The following SEMA3C variants were observed in gnomAD, a reference collection of about 807,000 sequenced individuals.
SEMA3C encodes semaphorin 3C, also known as semaphorin-3C.
SEMA3C carries 47 observed loss-of-function variants against 89.4 expected under a neutral mutation model. The observed-to-expected ratio is 0.53, with a 90% CI of 0.42 to 0.67. SEMA3C has a LOEUF of 0.67. Among genes scored for constraint, SEMA3C ranks in the 30% least tolerant of loss-of-function variants. The probability of loss-of-function intolerance (pLI) is 0.00; values close to 1 mark genes in which losing one functional copy is unlikely to be tolerated. For missense variants in SEMA3C, 839 were observed against 929.1 expected (o/e 0.90, Z 1.26); for synonymous variants, 310 against 320.2 (o/e 0.97, Z 0.34).
intron 12 of SEMA3C, among the ~76,000 whole-genome samples, chr7:80,788,102 C>T (rs1788846474): frequency 6.6e-6 from 1 of 152,072 alleles, no homozygotes; most frequent in Non-Finnish European, 1.5e-5. Flanking sequence ...TTTTATTTAG[C>T]CAAGAAAAAG....
At chr7:80,911,744 C>T (rs1792155736) in intron 2 of SEMA3C, among the ~76,000 whole-genome samples, 1 of 151,906 alleles carries the variant, frequency 6.6e-6, no homozygotes, top group Admixed American at 6.6e-5. Flanking sequence ...TGCCATTCTC[C>T]TGCCTCAGCC....
chr7:80,913,533 T>C (rs1792202039), intron 2 of SEMA3C, among the ~76,000 whole-genome samples: 1 of 152,216 alleles, frequency 6.6e-6, no homozygotes, highest in African/African-American at 2.4e-5. Flanking sequence ...CAAATGTAAA[T>C]TCAGCCATGG....
intron 10 of SEMA3C, among the ~76,000 whole-genome samples, chr7:80,799,439 T>G (rs545926091): frequency 2.2e-4 from 33 of 152,022 alleles, no homozygotes; most frequent in African/African-American, 7.7e-4. Context: ...TGAGCAAGAT[T>G]AAAAAAAAGA....
chr7:80,858,969 C>T (rs1269660557), intron 2 of SEMA3C, among the ~76,000 whole-genome samples: 2 of 152,128 alleles, frequency 1.3e-5, no homozygotes, highest in Non-Finnish European at 2.9e-5. Context: ...TTTATTATAA[C>T]ACTCAGACTT....
chr7:80,761,223 GGATT>G (rs2117052504), intron 14 of SEMA3C, among the ~76,000 whole-genome samples: 1 of 152,166 alleles, frequency 6.6e-6, no homozygotes, highest in African/African-American at 2.4e-5. Flanking sequence ...CAGGAACTCA[GGATT>G]GATTACTCAT....
intron 2 of SEMA3C, among the ~76,000 whole-genome samples, chr7:80,911,844 A>G (rs1792158752): frequency 3.9e-5 from 6 of 152,122 alleles, no homozygotes; most frequent in African/African-American, 9.7e-5. Flanking sequence ...CACGATAGCC[A>G]GCATGATCTT....
chr7:80,879,468 T>C (rs1013648515), intron 2 of SEMA3C, among the ~76,000 whole-genome samples: 2 of 152,262 alleles, frequency 1.3e-5, no homozygotes, highest in South Asian at 2.1e-4. Context: ...AGGCACCTGA[T>C]TGTCCTCTCA....
intron 12 of SEMA3C, among the ~76,000 whole-genome samples, chr7:80,781,273 C>A (rs902517790): frequency 6.6e-6 from 1 of 152,160 alleles, no homozygotes; most frequent in South Asian, 2.1e-4. Flanking sequence ...GATAACAAGT[C>A]CCCAGTTCCA....
At position 80,744,971 on chromosome 7, in the gene SEMA3C, C is replaced by T. The variant is rs761367596; in HGVS notation, c.2179G>A (p.Gly727Arg). Residue 727 changes from glycine to arginine, a missense_variant, in exon 18 of 18, where the codon GGG (glycine) becomes AGG (arginine). Coordinates refer to ENST00000265361, the MANE Select transcript of SEMA3C (RefSeq NM_006379.5). ...AGGGCCTTTAACTTGCCATAGTCCC[C>T]TCTCATTTTCTGTGATTCATCTCCC... ...QQGDESQKMR[G>R]DYGKLKALIN... The T allele has an allele frequency of 6.2e-7, 1 of 1,613,946 alleles. No homozygotes were observed. Among genetic ancestry groups the T allele is most frequent in the Non-Finnish European group, 8.5e-7 (1 of 1,179,978 alleles).
At chr7:80,892,819 T>C (rs1023427046) in intron 2 of SEMA3C, among the ~76,000 whole-genome samples, 6 of 152,302 alleles carry the variant, frequency 3.9e-5, no homozygotes, top group South Asian at 4.1e-4. Context: ...GTGGTTGTAT[T>C]TGATGTTTTT....
intron 2 of SEMA3C, among the ~76,000 whole-genome samples, chr7:80,856,380 T>A (rs997696593): frequency 1.3e-5 from 2 of 151,660 alleles, no homozygotes; most frequent in Non-Finnish European, 2.9e-5. Flanking sequence ...AACATGAATA[T>A]GAAATAACTG....
chr7:80,775,496 T>A (rs1788526783), intron 12 of SEMA3C, among the ~76,000 whole-genome samples: 1 of 152,162 alleles, frequency 6.6e-6, no homozygotes, highest in Non-Finnish European at 1.5e-5. Context: ...TACAATCTAA[T>A]CCCTGTATTA....
At chr7:80,857,349 A>C (rs1790665791) in intron 2 of SEMA3C, among the ~76,000 whole-genome samples, 1 of 152,172 alleles carries the variant, frequency 6.6e-6, no homozygotes, top group Non-Finnish European at 1.5e-5. Flanking sequence ...AAACCTCCCC[A>C]AATTAATACT....
chr7:80,821,479 G>A (rs1005700564), intron 4 of SEMA3C, among the ~76,000 whole-genome samples: 7 of 152,170 alleles, frequency 4.6e-5, no homozygotes, highest in African/African-American at 1.7e-4. Context: ...GAGTGCAGTG[G>A]TGCGATCTCT....
chr7:80,751,996 TTC>T (rs1787946860), intron 15 of SEMA3C, among the ~76,000 whole-genome samples: 1 of 152,190 alleles, frequency 6.6e-6, no homozygotes, highest in Non-Finnish European at 1.5e-5. Context: ...ATTAATTTCT[TTC>T]TCTCTCACAT....
Position 80,767,583 on chromosome 7 carries a change from C to T in SEMA3C, c.1355-2340G>A, listed in dbSNP as rs1788332532. ...ATCTGGCAAAGTAAAAATATATTTA[C>T]TTAAAATGTTTTTATTAACTAGTGA... On this transcript the variant is annotated intron_variant, in intron 12 of 17. Transcript: ENST00000265361. Among the ~76,000 whole-genome samples, 3 of 152,220 alleles carry T rather than the reference C, an allele frequency of 2.0e-5. No homozygotes were observed. In the South Asian group the frequency reaches 6.2e-4, roughly 32 times the overall value.
chr7:80,778,005 C>A (rs1788590580), intron 12 of SEMA3C, among the ~76,000 whole-genome samples: 1 of 151,902 alleles, frequency 6.6e-6, no homozygotes, highest in African/African-American at 2.4e-5. Context: ...TCTAATGTGT[C>A]AAAAAGTGTT....
chr7:80,758,358 C>T lies in SEMA3C; in HGVS notation c.1616G>A (p.Cys539Tyr), dbSNP rs1406691831. The T allele has an allele frequency of 6.2e-7, 1 of 1,613,682 alleles. No homozygotes were observed. The highest frequency in any genetic ancestry group is 8.5e-7 in the Non-Finnish European group (1 of 1,179,868). The change falls in exon 15 of 18, where the codon TGT becomes TAT. Residue 539 changes from cysteine (C) to tyrosine (Y), a missense_variant. By Grantham distance (194) the Cys-to-Tyr change is radical (BLOSUM62 -2). Transcript: ENST00000265361. ...TTTCCCAGTTGGGTAGAATCTGGAA[C>T]AGGAATGGCCATCCCAGGCGCAATA... ...DPYCAWDGHSCSRFYPTGKRR... is the reference protein window; with the variant it reads ...DPYCAWDGHSYSRFYPTGKRR...
rs567929425 is a variant in SEMA3C, at chr7:80,864,164, C to T, written c.104-35419G>A. Among the ~76,000 whole-genome samples the T allele has an allele frequency of 4.6e-5, 7 of 152,024 alleles. No homozygotes were observed. The South Asian group carries it at 1.5e-3, about 32-fold the overall frequency. The stretch of plus-strand genomic sequence containing the variant: ...GGAATGGAAAACCAAACTTTGTATG[C>T]TGTTAGTGATATGTGGGAGCTAAGC... On this transcript the variant is annotated intron_variant, in intron 2 of 17. Coordinates refer to ENST00000265361, the MANE Select transcript of SEMA3C (RefSeq NM_006379.5).
Sources: gnomAD v4.1 joint callset for allele counts (sites outside exome capture counted in the v4.1 genomes callset) on GRCh38, gnomAD v4.1.1 for gene constraint, MANE v1.5 for transcripts, NCBI Gene and HGNC (gene_info 2026-07-23, HGNC 2026-07-21) for gene names.